MYCBP2: variants seen among roughly 807,000 people sequenced by gnomAD.
MYCBP2 encodes the protein MYC binding protein 2.
MYCBP2 carries 120 observed loss-of-function variants against 525.3 expected under a neutral mutation model. The observed-to-expected ratio is 0.23, with a 90% confidence interval of 0.20 to 0.27. MYCBP2 has a LOEUF of 0.27. Ranked by LOEUF, MYCBP2 falls within the 10% of genes least tolerant of loss-of-function variation. The probability of loss-of-function intolerance (pLI) is 1.00; values close to 1 mark genes in which losing one functional copy is unlikely to be tolerated. For missense variants in MYCBP2, 4,149 were observed against 5,657.1 expected (o/e 0.73, Z 8.55); for synonymous variants, 1,894 against 1,955.8 (o/e 0.97, Z 0.83).
intron 24 of MYCBP2, among the ~76,000 whole-genome samples, chr13:77,206,350 T>C (rs2063339079): frequency 6.6e-6 from 1 of 150,552 alleles, no homozygotes; most frequent in Admixed American, 6.6e-5. Context: ...AAATATTATA[T>C]ACTTGAAAAT....
chr13:77,180,240 T>C lies in MYCBP2; in HGVS notation c.5020A>G (p.Arg1674Gly). 6.2e-7 allele frequency: 1 copy of C among 1,614,222 alleles called. No homozygotes were observed. Among genetic ancestry groups the C allele is most frequent in the Non-Finnish European group, 8.5e-7 (1 of 1,180,026 alleles). The change falls in exon 34 of 83, where the codon AGG becomes GGG. Residue 1674 changes from arginine to glycine, a missense_variant. Around this residue, in one of 21 missense-constraint regions of MYCBP2, gnomAD observed 54 missense variants for 117.0 expected, o/e 0.46. Transcript: ENST00000544440. The part of the protein sequence containing the change: ...KMLVIVVLPV[R>G]NSLRRENELF... ...TCATTTTCTCTCCTCAGGCTGTTCC[T>C]GACTGGTAGCACAACAATGACCAGC...
intron 68 of MYCBP2, 49 bp downstream of exon 68, chr13:77,076,702 A>C: frequency 8.5e-7 from 1 of 1,175,770 alleles, no homozygotes; most frequent in South Asian, 1.4e-5. Context: ...TTTCACTGAA[A>C]AAAAGAATAA....
chr13:77,053,877 G>C (rs2037331403), intron 80 of MYCBP2, among the ~76,000 whole-genome samples: 2 of 151,988 alleles, frequency 1.3e-5, no homozygotes, highest in Non-Finnish European at 2.9e-5. Flanking sequence ...TTTGTATCTA[G>C]TAAGTGCAAA....
intron 47 of MYCBP2, among the ~76,000 whole-genome samples, chr13:77,148,029 G>T (rs1240663805): frequency 6.6e-6 from 1 of 151,920 alleles, no homozygotes; most frequent in East Asian, 1.9e-4. Context: ...ACTGAAGCAT[G>T]TTCATAGGAA....
chr13:77,171,703 T>C (rs2059156849), intron 37 of MYCBP2, 69 bp from the exon 38 acceptor site: 2 of 1,427,310 alleles, frequency 1.4e-6, no homozygotes, highest in Admixed American at 3.9e-5. Context: ...CCAGAAATCA[T>C]ATCTAGATCT....
At chr13:77,150,268 T>C (rs2056266088) in intron 47 of MYCBP2, among the ~76,000 whole-genome samples, 1 of 152,196 alleles carries the variant, frequency 6.6e-6, no homozygotes, top group South Asian at 2.1e-4. Context: ...CTAGCAAGAA[T>C]AGTAAACTGC....
chr13:77,198,650 T>C (rs947052046), intron 26 of MYCBP2, among the ~76,000 whole-genome samples: 6 of 152,224 alleles, frequency 3.9e-5, no homozygotes, highest in Admixed American at 1.3e-4. Context: ...TTAGGATAAT[T>C]TGTTGGCCCT....
intron 17 of MYCBP2, among the ~76,000 whole-genome samples, chr13:77,238,555 A>T (rs2068322842): frequency 6.6e-6 from 1 of 152,210 alleles, no homozygotes; most frequent in African/African-American, 2.4e-5. Context: ...TACATCAATC[A>T]ACCCAATATA....
At position 77,326,590 on chromosome 13, in the gene MYCBP2, A is replaced by G. The variant is rs1422998679; in HGVS notation, c.186T>C (p.Gly62=). The change falls in exon 1 of 83, where the codon GGT becomes GGC. Residue 62 remains glycine (G), a synonymous_variant. Coordinates refer to ENST00000544440, the MANE Select transcript of MYCBP2 (RefSeq NM_015057.5). This position sits in a 1 kb window ranked among gnomAD's most constrained non-coding sequence, Gnocchi z 4.2. ...GGCCTGACAGCAGCAGCTGGTAGTGACCCCGGGAGTCCGCGGCGGGTAGCC... is the reference window on the plus strand; with the variant it reads ...GGCCTGACAGCAGCAGCTGGTAGTGGCCCCGGGAGTCCGCGGCGGGTAGCC... ...GLGLPAADSR[G]HYQLLLSGRA... 6.3e-7 allele frequency: 1 copy of G among 1,589,572 alleles called. No homozygotes were observed. Among genetic ancestry groups the G allele is most frequent in the South Asian group, 1.1e-5 (1 of 89,302 alleles).
chr13:77,079,881 G>A (rs1397277434), intron 65 of MYCBP2, among the ~76,000 whole-genome samples: 1 of 152,186 alleles, frequency 6.6e-6, no homozygotes, highest in Non-Finnish European at 1.5e-5. Flanking sequence ...CATAGAGGAA[G>A]CCTGTTAAAA....
At position 77,070,719 on chromosome 13, in the gene MYCBP2, T is replaced by C. The variant is rs758079873; in HGVS notation, c.11824-8A>G. 12 of 1,505,188 alleles carry C rather than the reference T, an allele frequency of 8.0e-6. No homozygotes were observed. Among genetic ancestry groups the C allele is most frequent in the South Asian group, 2.6e-5 (2 of 77,482 alleles). The allele number at this position is 1,505,188 out of a possible 1,614,324, so 93.2% of individuals were successfully genotyped here. A position where few individuals can be genotyped will look rare whatever the true frequency, so the allele number is the denominator to read the frequency against. ...GTCAGCATCTGATGTTGCCTTTACATAGAAAAAGAAAAAAAAAAAAAAGAA... is the reference window on the plus strand; with the variant it reads ...GTCAGCATCTGATGTTGCCTTTACACAGAAAAAGAAAAAAAAAAAAAAGAA... On this transcript the variant is annotated splice_polypyrimidine_tract_variant and splice_region_variant and intron_variant, in intron 68 of 82. Transcript: ENST00000544440.
chr13:77,062,981 C>T (rs1302398345), intron 73 of MYCBP2, among the ~76,000 whole-genome samples: 4 of 152,164 alleles, frequency 2.6e-5, no homozygotes, highest in African/African-American at 7.2e-5. Context: ...TATTGGTCTA[C>T]TATGTAAACA....
At chr13:77,325,358 G>GA (rs932354219) in intron 1 of MYCBP2, among the ~76,000 whole-genome samples, 7 of 151,830 alleles carry the variant, frequency 4.6e-5, no homozygotes, top group Non-Finnish European at 7.4e-5. Context: ...GAAGCTGTGG[G>GA]AAAAAAAAGA....
At position 77,045,071 on chromosome 13, in the gene MYCBP2, G is replaced by A. The variant is rs945028682; in HGVS notation, c.*307C>T. 4 of 410,936 alleles carry A rather than the reference G, an allele frequency of 9.7e-6. No homozygotes were observed. Among genetic ancestry groups the A allele is most frequent in the African/African-American group, 2.0e-5 (1 of 48,880 alleles). 25.5% of individuals were successfully genotyped at this position (410,936 alleles called of 1,614,324 possible). On this transcript the variant is annotated 3_prime_UTR_variant, in exon 83 of 83. Transcript: ENST00000544440. The stretch of plus-strand genomic sequence containing the variant: ...ATCGTTCTTAGTCCATGGGCATGGC[G>A]ATTCTTTTATATCAATTATCTATAA...
At chr13:77,246,563 GAGAAGGAGAAGGAGGAAA>G (rs796387515) in intron 15 of MYCBP2, among the ~76,000 whole-genome samples, 20 of 149,540 alleles carry the variant, frequency 1.3e-4, no homozygotes, top group African/African-American at 2.9e-4. Context: ...GGAGCAGGAG[GAGAAGGAGAAGGAGGAAA>G]AGAAGGAGAA....
intron 79 of MYCBP2, 22 bp from the exon 80 acceptor site, chr13:77,055,789 C>T (rs2037830235): frequency 3.2e-6 from 5 of 1,552,118 alleles, no homozygotes; most frequent in Non-Finnish European, 4.4e-6. Context: ...AATGAACACT[C>T]TTTAGCAGAA....
intron 30 of MYCBP2, among the ~76,000 whole-genome samples, chr13:77,187,089 C>T (rs754057482): frequency 3.9e-5 from 6 of 152,070 alleles, no homozygotes; most frequent in Non-Finnish European, 7.4e-5. Context: ...GGATTATAGG[C>T]GTGAGCCAAT....
Position 77,226,536 on chromosome 13 carries a change from T to C in MYCBP2, c.2738-982A>G, listed in dbSNP as rs550898499. 1.6e-4 allele frequency among the ~76,000 whole-genome samples: 24 copies of C among 152,268 alleles called. No homozygotes were observed. The East Asian group carries it at 4.3e-3, about 27-fold the overall frequency. On this transcript the variant is annotated intron_variant, in intron 18 of 82. Coordinates refer to ENST00000544440, the MANE Select transcript of MYCBP2 (RefSeq NM_015057.5). ...CACAAGTTCAACTAGTCTAAACCAC[T>C]CTCAAGTGGTATAGCAACTCTAAAC...
chr13:77,272,778 C>A (rs957998849), intron 5 of MYCBP2, among the ~76,000 whole-genome samples: 9 of 152,164 alleles, frequency 5.9e-5, no homozygotes, highest in African/African-American at 2.2e-4. Flanking sequence ...CTTTTGCTAT[C>A]TTTGGTCTGC....
Sources: allele counts gnomAD v4.1 joint callset (sites outside exome capture counted in the v4.1 genomes callset), GRCh38; gene constraint gnomAD v4.1.1; regional missense constraint gnomAD v4.1.1; non-coding constraint Gnocchi (gnomAD v3.1); transcripts MANE v1.5; gene names NCBI Gene and HGNC (gene_info 2026-07-23, HGNC 2026-07-21).